The following FBXL17 variants were observed in gnomAD, a reference collection of about 807,000 sequenced individuals.
The protein encoded by FBXL17 is F-box/LRR-repeat protein 17.
In FBXL17, 22 loss-of-function variants were observed where a neutral mutation model predicts 66.2. That is an observed-to-expected ratio of 0.33 (90% CI 0.24 to 0.47). FBXL17 has a LOEUF of 0.47. Ranked by LOEUF, FBXL17 falls within the 20% of genes least tolerant of loss-of-function variation. FBXL17 has a pLI of 1.00. For missense variants in FBXL17, 878 were observed against 948.2 expected, an observed-to-expected ratio of 0.93 and a Z score of 0.97; for synonymous variants, 474 against 400.5, an observed-to-expected ratio of 1.18 and a Z score of -2.19.
At chr5:108,319,090 C>T (rs1170191296) in intron 4 of FBXL17, among the ~76,000 whole-genome samples, 1 of 151,760 alleles carries the variant, frequency 6.6e-6, no homozygotes, top group African/African-American at 2.4e-5. Context: ...TTTATTCTAC[C>T]CAAACAGGCA....
At chr5:108,059,596 G>A (rs753780246) in intron 6 of FBXL17, among the ~76,000 whole-genome samples, 8 of 152,126 alleles carry the variant, frequency 5.3e-5, no homozygotes, top group African/African-American at 1.7e-4. Flanking sequence ...GCAGGAGACC[G>A]CCTCAGGATA....
chr5:108,040,513 T>C (rs758432406), intron 6 of FBXL17, among the ~76,000 whole-genome samples: 8 of 152,130 alleles, frequency 5.3e-5, no homozygotes, highest in Admixed American at 3.3e-4. Context: ...ACAAATAGAC[T>C]AGGTTAAATA....
At chr5:108,076,005 C>A (rs1164876358) in intron 6 of FBXL17, among the ~76,000 whole-genome samples, 13 of 152,098 alleles carry the variant, frequency 8.5e-5, no homozygotes. Context: ...TTGTAGTAAT[C>A]TTTGGTAAAT....
intron 7 of FBXL17, among the ~76,000 whole-genome samples, chr5:107,889,625 G>C (rs189465162): frequency 1.7e-4 from 26 of 152,288 alleles, no homozygotes; most frequent in African/African-American, 6.3e-4. Context: ...CTGGGAAGAG[G>C]CTCTCCTGCC....
At chr5:108,239,513 C>T (rs1350636885) in intron 4 of FBXL17, among the ~76,000 whole-genome samples, 2 of 152,176 alleles carry the variant, frequency 1.3e-5, no homozygotes, top group African/African-American at 4.8e-5. Context: ...AGCATTTATA[C>T]CTGCCCTAGC....
rs192879294 is a variant in FBXL17, at chr5:107,976,649, G to C, written c.1822+44276C>G. ...ATGAAGAATCAACCATGTGAGATAT[G>C]AGTAGAAAAAAGGAACACATTTCAT... is the stretch of plus-strand genomic sequence containing the variant. On this transcript the variant is annotated intron_variant, in intron 7 of 8. Transcript: ENST00000542267. Among the ~76,000 whole-genome samples the C allele has an allele frequency of 1.6e-4, 24 of 152,120 alleles. No homozygotes were observed. The East Asian group carries it at 4.3e-3, about 27-fold the overall frequency.
intron 6 of FBXL17, among the ~76,000 whole-genome samples, chr5:108,105,210 A>G (rs572760796): frequency 6.6e-6 from 1 of 152,320 alleles, no homozygotes; most frequent in South Asian, 2.1e-4. Flanking sequence ...ATTCTAATGA[A>G]TGAAGAAAGA....
At chr5:107,923,930 G>T (rs1434562479) in intron 7 of FBXL17, among the ~76,000 whole-genome samples, 1 of 152,106 alleles carries the variant, frequency 6.6e-6, no homozygotes, top group Non-Finnish European at 1.5e-5. Context: ...GAACTTCAGG[G>T]AGTGATGAGT....
intron 4 of FBXL17, among the ~76,000 whole-genome samples, chr5:108,317,109 G>A (rs1038878449): frequency 2.6e-5 from 4 of 151,162 alleles, no homozygotes; most frequent in East Asian, 3.9e-4. Flanking sequence ...TTAAGGAGAA[G>A]AGATGCAAAG....
At chr5:107,945,593 GAAAC>G (rs1381011850) in intron 7 of FBXL17, among the ~76,000 whole-genome samples, 4 of 151,914 alleles carry the variant, frequency 2.6e-5, no homozygotes, top group African/African-American at 7.3e-5. Context: ...ATAATGCCAA[GAAAC>G]AAACAAACAA....
chr5:107,900,691 T>C (rs1160547315), intron 7 of FBXL17, among the ~76,000 whole-genome samples: 1 of 152,144 alleles, frequency 6.6e-6, no homozygotes, highest in Non-Finnish European at 1.5e-5. Flanking sequence ...CAACAAGTAA[T>C]GAAAGATTTC....
At chr5:108,319,509 G>A (rs2150215147) in intron 4 of FBXL17, among the ~76,000 whole-genome samples, 1 of 151,720 alleles carries the variant, frequency 6.6e-6, no homozygotes, top group East Asian at 1.9e-4. Context: ...TAAAACATTT[G>A]AAATAATATG....
chr5:107,919,457 TC>T (rs552486975), intron 7 of FBXL17, among the ~76,000 whole-genome samples: 17 of 152,310 alleles, frequency 1.1e-4, no homozygotes, highest in African/African-American at 4.1e-4. Context: ...GTGTATCAGC[TC>T]AGGTCCCTCC....
At chr5:108,246,865 G>A (rs561391213) in intron 4 of FBXL17, among the ~76,000 whole-genome samples, 2 of 152,134 alleles carry the variant, frequency 1.3e-5, no homozygotes, top group African/African-American at 2.4e-5. Context: ...GCATATATTT[G>A]CTCAATGATG....
chr5:108,231,268 G>C (rs1335959950), intron 4 of FBXL17, among the ~76,000 whole-genome samples: 2 of 151,964 alleles, frequency 1.3e-5, no homozygotes, highest in South Asian at 2.1e-4. Flanking sequence ...ATCCAGTTTT[G>C]AACACTTTCA....
intron 6 of FBXL17, among the ~76,000 whole-genome samples, chr5:108,135,540 T>C (rs1279016409): frequency 6.6e-6 from 1 of 152,110 alleles, no homozygotes; most frequent in Non-Finnish European, 1.5e-5. Flanking sequence ...AGTGAACAAA[T>C]CTAGATTTTT....
intron 4 of FBXL17, among the ~76,000 whole-genome samples, chr5:108,296,752 T>C (rs970717947): frequency 6.6e-6 from 1 of 151,768 alleles, no homozygotes; most frequent in Admixed American, 6.6e-5. Flanking sequence ...ATATCTGTAT[T>C]AAATCTATCA....
intron 4 of FBXL17, among the ~76,000 whole-genome samples, chr5:108,245,853 G>T (rs554233317): frequency 1.3e-5 from 2 of 152,242 alleles, no homozygotes; most frequent in African/African-American, 4.8e-5. Flanking sequence ...CAACTGGAGG[G>T]GTCAAAGGAA....
Position 108,300,571 on chromosome 5 carries a change from C to A in FBXL17, c.1506+47828G>T, listed in dbSNP as rs1758542891. ...CTTATCTCCACATGAAGATTTTCTACTGGAAAGTTTAACCATGTTTTATAT... is the reference window on the plus strand; with the variant it reads ...CTTATCTCCACATGAAGATTTTCTAATGGAAAGTTTAACCATGTTTTATAT... On this transcript the variant is annotated intron_variant, in intron 4 of 8. Transcript: ENST00000542267. 1.3e-5 allele frequency among the ~76,000 whole-genome samples: 2 copies of A among 151,762 alleles called. 1 individual carries two copies. The highest frequency in any genetic ancestry group is 4.1e-4 in the South Asian group (2 of 4,822).
Sources: allele counts gnomAD v4.1 joint callset (sites outside exome capture counted in the v4.1 genomes callset), GRCh38; gene constraint gnomAD v4.1.1; transcripts MANE v1.5; gene names NCBI Gene and HGNC (gene_info 2026-07-23, HGNC 2026-07-21).